The following RIPK1 variants were observed in gnomAD, a reference collection of about 807,000 sequenced individuals.
RIPK1 encodes receptor-interacting serine/threonine-protein kinase 1.
RIPK1 carries 27 observed loss-of-function variants against 62.4 expected under a neutral mutation model. The observed-to-expected ratio is 0.43, with a 90% CI of 0.32 to 0.60. The LOEUF (loss-of-function observed/expected upper bound fraction) is 0.60. RIPK1 is among the 20% of genes least tolerant of loss of function. The probability of loss-of-function intolerance (pLI) is 0.07; values close to 1 mark genes in which losing one functional copy is unlikely to be tolerated. For synonymous variants in RIPK1, 287 were observed against 303.2 expected, an observed-to-expected ratio of 0.95 and a Z score of 0.55; for missense variants, 735 against 831.0, an observed-to-expected ratio of 0.88 and a Z score of 1.42.
chr6:3,113,662 T>G lies in RIPK1; in HGVS notation c.*323T>G, dbSNP rs540820919. Reference sequence around the variant, plus strand: ...TGAGGAAAGCGTAAGCAGGAAGACCTCTTAATGGCATAGCACCAATAAAAA... The same window carrying G: ...TGAGGAAAGCGTAAGCAGGAAGACCGCTTAATGGCATAGCACCAATAAAAA... On this transcript the variant is annotated 3_prime_UTR_variant, in exon 11 of 11. Coordinates refer to ENST00000259808, the MANE Select transcript of RIPK1 (RefSeq NM_001354930.2). This position sits in a 1 kb window ranked among gnomAD's most constrained non-coding sequence, Gnocchi z 5.0. 3.9e-6 allele frequency: 1 copy of G among 255,206 alleles called. No homozygotes were observed. Among genetic ancestry groups the G allele is most frequent in the Non-Finnish European group, 7.5e-6 (1 of 132,544 alleles). The allele number at this position is 255,206 out of a possible 1,614,324, so 15.8% of individuals were successfully genotyped here.
intron 7 of RIPK1, among the ~76,000 whole-genome samples, chr6:3,102,793 G>T (rs1326628836): frequency 6.6e-6 from 1 of 151,948 alleles, no homozygotes; most frequent in African/African-American, 2.4e-5. Context: ...GTAGAGATGG[G>T]GTGGTTTCAC....
At chr6:3,094,974 C>T (rs1760207995) in intron 7 of RIPK1, among the ~76,000 whole-genome samples, 1 of 152,038 alleles carries the variant, frequency 6.6e-6, no homozygotes, top group African/African-American at 2.4e-5. Context: ...GGGAGGACTG[C>T]TTGAGCCCAG....
At chr6:3,110,772 A>C (rs749109522) in intron 9 of RIPK1, 31 bp from the exon 10 acceptor site, 6 of 1,436,854 alleles carry the variant, frequency 4.2e-6, no homozygotes, top group Non-Finnish European at 4.8e-6. Context: ...TTGATCTAGA[A>C]TTACTTACCT....
At chr6:3,090,783 T>G (rs1367202232) in intron 7 of RIPK1, among the ~76,000 whole-genome samples, 5 of 147,500 alleles carry the variant, frequency 3.4e-5, no homozygotes, top group Admixed American at 6.7e-5. Context: ...CCGCACCTAG[T>G]AACCGCAGAG....
intron 1 of RIPK1, among the ~76,000 whole-genome samples, chr6:3,070,915 G>A (rs1758680319): frequency 6.6e-6 from 1 of 152,160 alleles, no homozygotes; most frequent in Non-Finnish European, 1.5e-5. Flanking sequence ...TTGAATGAAG[G>A]GACAAATATT....
intron 9 of RIPK1, among the ~76,000 whole-genome samples, chr6:3,107,022 G>A (rs767178452): frequency 8.5e-5 from 13 of 152,094 alleles, no homozygotes; most frequent in Admixed American, 4.6e-4. Context: ...AGGCTGAGGT[G>A]AGTGGATCAC....
At chr6:3,087,193 T>C (rs1022458365) in intron 6 of RIPK1, among the ~76,000 whole-genome samples, 3 of 152,216 alleles carry the variant, frequency 2.0e-5, no homozygotes, top group Non-Finnish European at 2.9e-5. Context: ...GTTATTTATC[T>C]TGGTGTGGAT....
At position 3,096,863 on chromosome 6, in the gene RIPK1, A is replaced by ATTTTGTTTTG. The variant is rs112448743; in HGVS notation, c.915+7221_915+7230dup. Among the ~76,000 whole-genome samples the ATTTTGTTTTG allele has an allele frequency of 5.4e-3, 753 of 140,650 alleles. 5 individuals carry two copies. The highest frequency in any genetic ancestry group is 0.02 in the African/African-American group (737 of 37,766). The allele number at this position is 140,650 out of a possible 152,430, so 92.3% of individuals were successfully genotyped here. ...TGTGAGGCACCGTGCCCAGCCAAGT[A>ATTTTGTTTTG]TTTTGTTTTGTTTTGTTTTGTTTTT... On this transcript the variant is annotated intron_variant, in intron 7 of 10. Coordinates refer to ENST00000259808, the MANE Select transcript of RIPK1 (RefSeq NM_001354930.2).
intron 3 of RIPK1, among the ~76,000 whole-genome samples, chr6:3,078,726 G>C (rs1759225210): frequency 2.0e-5 from 3 of 152,216 alleles, no homozygotes. Context: ...AACAACACTG[G>C]ATAGGATTTA....
chr6:3,069,982 C>T (rs566827227), intron 1 of RIPK1, among the ~76,000 whole-genome samples: 92 of 152,102 alleles, frequency 6.0e-4, no homozygotes, highest in African/African-American at 2.1e-3. Context: ...TACACTCTAT[C>T]CTGGGCGACA....
At chr6:3,103,223 T>C (rs939857832) in intron 7 of RIPK1, among the ~76,000 whole-genome samples, 3 of 152,058 alleles carry the variant, frequency 2.0e-5, no homozygotes, top group African/African-American at 7.2e-5. Flanking sequence ...TAGGATTTTT[T>C]TTTTTTATGT....
At chr6:3,085,575 C>T (rs1759644660) in intron 6 of RIPK1, among the ~76,000 whole-genome samples, 167 bp downstream of exon 6, 1 of 152,028 alleles carries the variant, frequency 6.6e-6, no homozygotes, top group African/African-American at 2.4e-5. Flanking sequence ...GCAAAGAAGC[C>T]CTCTCTCTCA....
Position 3,113,098 on chromosome 6 carries a change from A to G in RIPK1, c.1775A>G (p.Glu592Gly). ...GATAAACACCTGGACCCAATCAGGG[A>G]AAATCTGGGAAAGCACTGGAAAAAC... Reference protein sequence around the residue: ...LTDKHLDPIRENLGKHWKNCA... With the variant: ...LTDKHLDPIRGNLGKHWKNCA... Residue 592 changes from glutamate to glycine, a missense_variant, in exon 11 of 11, where the codon GAA (glutamate) becomes GGA (glycine). Glu to Gly is a moderately conservative substitution (Grantham distance 98). Transcript: ENST00000259808. This position sits in a 1 kb window ranked among gnomAD's most constrained non-coding sequence, Gnocchi z 5.0. The G allele has an allele frequency of 6.3e-7, 1 of 1,599,310 alleles. No individual in the cohort carries two copies. Among genetic ancestry groups the G allele is most frequent in the Middle Eastern group, 1.7e-4 (1 of 5,998 alleles).
intron 1 of RIPK1, 102 bp downstream of exon 1, chr6:3,068,763 G>C (rs1421297158): frequency 2.9e-6 from 2 of 679,974 alleles, no homozygotes; most frequent in African/African-American, 1.9e-5. Context: ...CAGCACGCCC[G>C]GGCAAGGCTG....
chr6:3,067,014 C>T (rs1758407362), upstream of RIPK1, among the ~76,000 whole-genome samples: 2 of 127,702 alleles, frequency 1.6e-5, no homozygotes, highest in African/African-American at 3.1e-5. Flanking sequence ...AGATTGGCTT[C>T]TTTCACTTAG....
intron 1 of RIPK1, among the ~76,000 whole-genome samples, chr6:3,070,624 G>T (rs1344598609): frequency 1.3e-5 from 2 of 150,874 alleles, no homozygotes; most frequent in Non-Finnish European, 2.9e-5. Flanking sequence ...TTTTAGTAGA[G>T]ACAGGGCTTC....
Position 3,105,393 on chromosome 6 carries a change from T to G in RIPK1, c.1007-89T>G. On this transcript the variant is annotated intron_variant, in intron 8 of 10. Transcript: ENST00000259808. This position sits in a 1 kb window ranked among gnomAD's most constrained non-coding sequence, Gnocchi z 4.5. ...CGTACTTGTTTTCTGTGTGTTACTT[T>G]GAGATACAGATTCATGACGGCGCTC... 22 of 1,018,880 alleles carry G rather than the reference T, an allele frequency of 2.2e-5. No individual in the cohort carries two copies. The highest frequency in any genetic ancestry group is 2.9e-5 in the Non-Finnish European group (20 of 685,670). 63.1% of individuals were successfully genotyped at this position (1,018,880 alleles called of 1,614,324 possible).
intron 1 of RIPK1, among the ~76,000 whole-genome samples, chr6:3,069,285 C>G (rs1581370964): frequency 6.6e-6 from 1 of 152,232 alleles, no homozygotes; most frequent in Admixed American, 6.5e-5. Flanking sequence ...GTTCCAAAAA[C>G]AAAAGCATTT....
At chr6:3,081,246 G>A in intron 4 of RIPK1, 130 bp downstream of exon 4, 11 of 1,023,826 alleles carry the variant, frequency 1.1e-5, no homozygotes, top group Non-Finnish European at 1.6e-5. Flanking sequence ...TGATGATGGT[G>A]CCGAAAGGCT....
Sources: gnomAD v4.1 joint callset for allele counts (sites outside exome capture counted in the v4.1 genomes callset) on GRCh38, gnomAD v4.1.1 for gene constraint, Gnocchi (gnomAD v3.1) non-coding constraint, MANE v1.5 for transcripts, NCBI Gene and HGNC (gene_info 2026-07-23, HGNC 2026-07-21) for gene names.